The following SOS1 variants were observed in gnomAD, a reference collection of about 807,000 sequenced individuals.
The protein encoded by SOS1 is SOS Ras/Rac guanine nucleotide exchange factor 1, also known as son of sevenless homolog 1.
A neutral mutation model predicts 157.6 loss-of-function variants in SOS1; 25 were observed. The ratio of observed to expected loss-of-function variants is 0.16; its 90% CI spans 0.12 to 0.22. The LOEUF (loss-of-function observed/expected upper bound fraction) is 0.22, where lower values mean the gene tolerates loss of function less well. SOS1 is among the 10% of genes least tolerant of loss of function. SOS1 has a pLI of 1.00. For synonymous variants in SOS1, 528 were observed against 534.0 expected, an observed-to-expected ratio of 0.99 and a Z score of 0.16; for missense variants, 1,237 against 1,599.1, an observed-to-expected ratio of 0.77 and a Z score of 3.86.
intron 10 of SOS1, among the ~76,000 whole-genome samples, chr2:39,015,829 G>T (rs1431947877): frequency 8.3e-6 from 1 of 120,232 alleles, no homozygotes; most frequent in Non-Finnish European, 1.6e-5. Context: ...TTTTTTTTAA[G>T]GAGGGGAAAG....
intron 8 of SOS1, among the ~76,000 whole-genome samples, chr2:39,025,438 C>T (rs899150094): frequency 6.6e-6 from 1 of 151,974 alleles, no homozygotes; most frequent in African/African-American, 2.4e-5. Context: ...CAACCTCTGC[C>T]TCCCAGCTTC....
intron 20 of SOS1, among the ~76,000 whole-genome samples, chr2:38,989,688 A>C (rs1668672226): frequency 6.6e-6 from 1 of 152,148 alleles, no homozygotes; most frequent in African/African-American, 2.4e-5. Context: ...TGAAACAAGT[A>C]ATAAGTTTAT....
At position 38,985,564 on chromosome 2, in the gene SOS1, GA is replaced by G. The variant is rs1356089729; in HGVS notation, c.*259del. ...AAAGAGGACTCCTGCCTATTGGCCA[GA>G]AAAAGTCCCTTTATGATTTTCAGGT... On this transcript the variant is annotated 3_prime_UTR_variant, in exon 23 of 23. Transcript: ENST00000402219. 9 of 448,132 alleles carry G rather than the reference GA, an allele frequency of 2.0e-5. No individual in the cohort carries two copies. Among genetic ancestry groups the G allele is most frequent in the Non-Finnish European group, 3.3e-5 (8 of 242,734 alleles). 27.8% of individuals were successfully genotyped at this position (448,132 alleles called of 1,614,324 possible). A position where few individuals can be genotyped will look rare whatever the true frequency, so the allele number is the denominator to read the frequency against.
chr2:39,014,906 T>C (rs1669583539), intron 10 of SOS1, 60 bp from the exon 11 acceptor site: 1 of 934,748 alleles, frequency 1.1e-6, no homozygotes, highest in African/African-American at 1.6e-5. Context: ...ATTAAAACTG[T>C]TATGTACATT....
At chr2:39,123,343 G>C (rs1375032066), upstream of SOS1, among the ~76,000 whole-genome samples, 2 of 151,684 alleles carry the variant, frequency 1.3e-5, no homozygotes, top group Non-Finnish European at 2.9e-5. Flanking sequence ...CCTAGAGAGA[G>C]AGAAACAATC....
At chr2:39,048,710 T>C (rs1219201451) in intron 6 of SOS1, among the ~76,000 whole-genome samples, 2 of 152,196 alleles carry the variant, frequency 1.3e-5, no homozygotes, top group Admixed American at 1.3e-4. Flanking sequence ...CCCAAGATTT[T>C]CTCTTTATCT....
intron 10 of SOS1, among the ~76,000 whole-genome samples, chr2:39,015,639 A>G (rs1669605315): frequency 6.6e-6 from 1 of 151,954 alleles, no homozygotes; most frequent in South Asian, 2.1e-4. Context: ...TCTCCTTAAC[A>G]GTATTATCCT....
Position 38,984,544 on chromosome 2 carries a change from GTATC to G in SOS1, c.*1276_*1279del, listed in dbSNP as rs1668496244. 1 of 152,062 alleles carries G rather than the reference GTATC, an allele frequency of 6.6e-6. No homozygotes were observed. The highest frequency in any genetic ancestry group is 1.5e-5 in the Non-Finnish European group (1 of 68,014). 9.4% of individuals were successfully genotyped at this position (152,062 alleles called of 1,614,324 possible). A position where few individuals can be genotyped will look rare whatever the true frequency, so the allele number is the denominator to read the frequency against. On this transcript the variant is annotated 3_prime_UTR_variant, in exon 23 of 23. Transcript: ENST00000402219. ...AAGATACCCATCCTATTCTAACCAA[GTATC>G]TTCCTATATGCCAAGCTGTGACTTT...
chr2:39,040,721 CATTTA>C (rs895161415), intron 6 of SOS1, among the ~76,000 whole-genome samples: 4 of 152,150 alleles, frequency 2.6e-5, no homozygotes, highest in African/African-American at 9.7e-5. Context: ...TTACCATATA[CATTTA>C]ATTTAACCAT....
intron 10 of SOS1, among the ~76,000 whole-genome samples, chr2:39,021,389 G>C (rs961864997): frequency 6.6e-6 from 1 of 151,402 alleles, no homozygotes; most frequent in African/African-American, 2.4e-5. Flanking sequence ...TAGCAATTTA[G>C]AGAAAACTTC....
intron 1 of SOS1, among the ~76,000 whole-genome samples, chr2:39,110,358 C>G (rs1250779625): frequency 6.6e-6 from 1 of 152,146 alleles, no homozygotes; most frequent in Non-Finnish European, 1.5e-5. Flanking sequence ...CATCCTCCTC[C>G]CGCAGATACT....
chr2:39,064,368 T>A (rs993906679), intron 2 of SOS1, among the ~76,000 whole-genome samples: 3 of 152,228 alleles, frequency 2.0e-5, no homozygotes, highest in African/African-American at 7.2e-5. Flanking sequence ...GGTTTCAACA[T>A]GAATTTGGGA....
intron 3 of SOS1, among the ~76,000 whole-genome samples, chr2:39,058,440 C>T (rs1053959345): frequency 6.6e-6 from 1 of 151,986 alleles, no homozygotes; most frequent in African/African-American, 2.4e-5. Flanking sequence ...TTTCTTAGTC[C>T]TCTCAACTTG....
upstream of SOS1, among the ~76,000 whole-genome samples, chr2:39,122,245 C>T (rs956169725): frequency 3.3e-5 from 5 of 149,280 alleles, no homozygotes; most frequent in African/African-American, 7.4e-5. Context: ...GCCTGGCCAA[C>T]ACTGTGAAAA....
chr2:38,999,001 TA>T (rs1483276139), intron 17 of SOS1, among the ~76,000 whole-genome samples: 2 of 152,232 alleles, frequency 1.3e-5, no homozygotes, highest in East Asian at 3.9e-4. Context: ...CGCTACATAC[TA>T]GGAGGTGCTA....
intron 8 of SOS1, 149 bp downstream of exon 8, chr2:39,035,063 A>G (rs1572841028): frequency 1.5e-6 from 1 of 664,596 alleles, no homozygotes; most frequent in East Asian, 2.7e-5. Context: ...ACTCTTTTGC[A>G]GACTGATTTC....
chr2:39,086,392 A>G (rs1461605748), intron 1 of SOS1, among the ~76,000 whole-genome samples: 1 of 152,184 alleles, frequency 6.6e-6, no homozygotes, highest in African/African-American at 2.4e-5. Context: ...AGATGAGCAG[A>G]TGTTTTCATA....
At chr2:39,080,239 A>G (rs922091669) in intron 1 of SOS1, among the ~76,000 whole-genome samples, 1 of 152,004 alleles carries the variant, frequency 6.6e-6, no homozygotes, top group Non-Finnish European at 1.5e-5. Flanking sequence ...CATAAGGAGT[A>G]CGCAACCTAG....
At chr2:39,021,375 A>G (rs1380408238) in intron 10 of SOS1, among the ~76,000 whole-genome samples, 2 of 151,634 alleles carry the variant, frequency 1.3e-5, no homozygotes, top group Admixed American at 1.3e-4. Flanking sequence ...AACTTTGTGA[A>G]ATATAGCAAT....
Sources: gnomAD v4.1 joint callset for allele counts (sites outside exome capture counted in the v4.1 genomes callset) on GRCh38, gnomAD v4.1.1 for gene constraint, MANE v1.5 for transcripts, NCBI Gene and HGNC (gene_info 2026-07-23, HGNC 2026-07-21) for gene names.